The following CSMD1 variants were observed in gnomAD, a reference collection of about 807,000 sequenced individuals.
The protein encoded by CSMD1 is CUB and sushi domain-containing protein 1.
In CSMD1, 213 loss-of-function variants were observed where a neutral mutation model predicts 417.5. That is an observed-to-expected ratio of 0.51 (90% confidence interval 0.46 to 0.57). The LOEUF (loss-of-function observed/expected upper bound fraction) is 0.57. CSMD1 is among the 20% of genes least tolerant of loss of function. The probability of loss-of-function intolerance (pLI) is 0.00; values close to 1 mark genes in which losing one functional copy is unlikely to be tolerated. For synonymous variants in CSMD1, 2,862 were observed against 1,736.8 expected (o/e 1.65, Z -16.11); for missense variants, 6,923 against 4,529.7 (o/e 1.53, Z -15.17).
At chr8:2,997,989 C>T (rs201909915) in intron 54 of CSMD1, 22 bp downstream of exon 54, 1 of 1,607,650 alleles carries the variant, frequency 6.2e-7, no homozygotes, top group Non-Finnish European at 8.5e-7. Context: ...GCAAAGGGCT[C>T]ATTCCTGGAT....
At chr8:4,933,194 C>G (rs1315285865) in intron 1 of CSMD1, among the ~76,000 whole-genome samples, 4 of 151,796 alleles carry the variant, frequency 2.6e-5, no homozygotes, top group Non-Finnish European at 4.4e-5. Context: ...TCCTTGCTCC[C>G]TCCCTCTCTT....
intron 36 of CSMD1, among the ~76,000 whole-genome samples, chr8:3,185,992 ATT>A (rs1411828872): frequency 1.3e-5 from 2 of 151,832 alleles, no homozygotes; most frequent in African/African-American, 4.8e-5. Context: ...CTGTTAAGAT[ATT>A]TTAATTTATT....
intron 3 of CSMD1, among the ~76,000 whole-genome samples, chr8:4,192,256 A>C (rs984173129): frequency 6.6e-6 from 1 of 152,214 alleles, no homozygotes; most frequent in African/African-American, 2.4e-5. Flanking sequence ...TAGGATTATA[A>C]ATTAGATGAC....
chr8:3,269,944 C>G (rs1423864424), intron 26 of CSMD1, among the ~76,000 whole-genome samples: 2 of 151,554 alleles, frequency 1.3e-5, no homozygotes, highest in South Asian at 4.2e-4. Flanking sequence ...GGTAAACGCA[C>G]ATAAAGCAAA....
intron 4 of CSMD1, among the ~76,000 whole-genome samples, chr8:4,017,009 G>A (rs921116756): frequency 1.3e-5 from 2 of 152,128 alleles, no homozygotes; most frequent in Admixed American, 6.5e-5. Context: ...AATCATAGAA[G>A]ACTTTCAGAA....
intron 5 of CSMD1, among the ~76,000 whole-genome samples, chr8:3,882,223 A>G (rs192561570): frequency 8.7e-4 from 132 of 151,946 alleles, no homozygotes; most frequent in South Asian, 2.7e-3. Flanking sequence ...CATAAAGTGG[A>G]AAAAAAAGTA....
intron 1 of CSMD1, among the ~76,000 whole-genome samples, chr8:4,958,596 C>G (rs762246398): frequency 6.6e-6 from 1 of 152,132 alleles, no homozygotes; most frequent in Admixed American, 6.5e-5. Context: ...AGGCAGTGTT[C>G]TGAGTTCTGC....
chr8:4,453,526 G>A (rs1313552958), intron 2 of CSMD1, among the ~76,000 whole-genome samples: 5 of 152,304 alleles, frequency 3.3e-5, no homozygotes, highest in East Asian at 1.9e-4. Context: ...TCAGATTCCT[G>A]CAGAGAACAC....
At chr8:3,439,227 T>C (rs1361634749) in intron 12 of CSMD1, among the ~76,000 whole-genome samples, 2 of 129,096 alleles carry the variant, frequency 1.5e-5, no homozygotes, top group South Asian at 2.8e-4. Flanking sequence ...CACATTCCCA[T>C]CAGCAATGTT....
chr8:3,510,793 C>A (rs1027599805), intron 10 of CSMD1, among the ~76,000 whole-genome samples: 1 of 151,714 alleles, frequency 6.6e-6, no homozygotes, highest in Non-Finnish European at 1.5e-5. Flanking sequence ...GTTTATTAGC[C>A]GCATAAATGT....
chr8:4,405,605 C>CAAAAAAGA (rs1804952195), intron 3 of CSMD1, among the ~76,000 whole-genome samples: 1 of 151,754 alleles, frequency 6.6e-6, no homozygotes. Context: ...TGTTGACAAT[C>CAAAAAAGA]AAAAAAGAAA....
At chr8:4,137,564 C>CA (rs1177862181) in intron 3 of CSMD1, among the ~76,000 whole-genome samples, 1 of 130,810 alleles carries the variant, frequency 7.6e-6, no homozygotes, top group East Asian at 2.0e-4. Context: ...TTGATGGTTA[C>CA]AAGATTTGAT....
At chr8:4,093,967 T>TAGATAGATAGAC (rs1468699655) in intron 3 of CSMD1, among the ~76,000 whole-genome samples, 8 of 103,696 alleles carry the variant, frequency 7.7e-5, no homozygotes, top group Middle Eastern at 8.8e-3. Context: ...ACATCTCAAA[T>TAGATAGATAGAC]AGATAGATAG....
Position 4,586,982 on chromosome 8 carries a change from G to A in CSMD1, c.302+50360C>T, listed in dbSNP as rs77707387. 4.5e-3 allele frequency among the ~76,000 whole-genome samples: 684 copies of A among 152,252 alleles called. 3 individuals are homozygous for A. The highest frequency in any genetic ancestry group is 9.2e-3 in the African/African-American group (384 of 41,552). On this transcript the variant is annotated intron_variant, in intron 2 of 69. Transcript: ENST00000635120. ...AGAGAGGTTACATCTATATAAGAGC[G>A]CCTAAAAAGTTATAATAGAGATACC...
chr8:4,367,052 G>T (rs555438677), intron 3 of CSMD1, among the ~76,000 whole-genome samples: 21 of 152,106 alleles, frequency 1.4e-4, no homozygotes, highest in African/African-American at 5.1e-4. Context: ...TAGTTTAATA[G>T]GTCCCACTTG....
At chr8:4,153,709 C>T (rs1158715156) in intron 3 of CSMD1, among the ~76,000 whole-genome samples, 2 of 152,210 alleles carry the variant, frequency 1.3e-5, no homozygotes, top group African/African-American at 2.4e-5. Context: ...GGCAGTCCCA[C>T]AGATATAAGA....
chr8:3,888,636 T>C (rs1328871844), intron 5 of CSMD1, among the ~76,000 whole-genome samples: 1 of 152,136 alleles, frequency 6.6e-6, no homozygotes, highest in East Asian at 1.9e-4. Flanking sequence ...CAAGGTCAAG[T>C]GCTCTATCAT....
At chr8:4,571,196 T>C (rs1364925363) in intron 2 of CSMD1, among the ~76,000 whole-genome samples, 2 of 152,154 alleles carry the variant, frequency 1.3e-5, no homozygotes, top group Admixed American at 6.6e-5. Flanking sequence ...TTTGAATTTG[T>C]TTGCTCTTGC....
chr8:4,797,729 G>C (rs1334903847), intron 1 of CSMD1, among the ~76,000 whole-genome samples: 6 of 152,132 alleles, frequency 3.9e-5, no homozygotes, highest in Non-Finnish European at 7.4e-5. Context: ...AACTGGGATA[G>C]GTACATACAA....
Sources: gnomAD v4.1 joint callset for allele counts (sites outside exome capture counted in the v4.1 genomes callset) on GRCh38, gnomAD v4.1.1 for gene constraint, MANE v1.5 for transcripts, NCBI Gene and HGNC (gene_info 2026-07-23, HGNC 2026-07-21) for gene names.